TBL1XR1: variants seen among roughly 807,000 people sequenced by gnomAD.
The protein encoded by TBL1XR1 is F-box-like/WD repeat-containing protein TBL1XR1.
In TBL1XR1, 5 loss-of-function variants were observed where a neutral mutation model predicts 66.9. The ratio of observed to expected loss-of-function variants is 0.07; its 90% confidence interval spans 0.04 to 0.16. The LOEUF (loss-of-function observed/expected upper bound fraction) is 0.16, where lower values mean the gene tolerates loss of function less well. Ranked by LOEUF, TBL1XR1 falls within the 10% of genes least tolerant of loss-of-function variation. TBL1XR1 has a pLI of 1.00. For synonymous variants in TBL1XR1, 210 were observed against 206.0 expected, an observed-to-expected ratio of 1.02 and a Z score of -0.17; for missense variants, 238 against 623.2, an observed-to-expected ratio of 0.38 and a Z score of 6.58.
intron 1 of TBL1XR1, among the ~76,000 whole-genome samples, chr3:177,140,325 G>A (rs1729494465): frequency 6.6e-6 from 1 of 152,026 alleles, no homozygotes; most frequent in African/African-American, 2.4e-5. Context: ...TACCTTGAAC[G>A]TATATTCCTA....
chr3:177,160,220 C>A (rs1263284156), intron 1 of TBL1XR1, among the ~76,000 whole-genome samples: 1 of 152,042 alleles, frequency 6.6e-6, no homozygotes, highest in Non-Finnish European at 1.5e-5. Context: ...GTCCTGTAAT[C>A]CCAGCACTTT....
intron 4 of TBL1XR1, 143 bp from the exon 5 acceptor site, chr3:177,051,869 C>A: frequency 1.9e-6 from 2 of 1,056,888 alleles, no homozygotes; most frequent in East Asian, 2.8e-5. Flanking sequence ...ATAAGAAGTC[C>A]GGAGGGAATA....
chr3:177,149,930 CTAATA>C lies in TBL1XR1; in HGVS notation c.-122+47186_-122+47190del, dbSNP rs1246901809. On this transcript the variant is annotated intron_variant, in intron 1 of 15. Transcript: ENST00000457928. ...TGCTGACCTCTGCTCTAAAATTATTCTAATATAACTAAGGAAACGTCAATTTAAAT... is the reference window on the plus strand; with the variant it reads ...TGCTGACCTCTGCTCTAAAATTATTCTAACTAAGGAAACGTCAATTTAAAT... 3.3e-5 allele frequency among the ~76,000 whole-genome samples: 5 copies of C among 152,244 alleles called. No homozygotes were observed. The East Asian group carries it at 5.8e-4, about 18-fold the overall frequency.
At chr3:177,108,153 G>T (rs899130433) in intron 1 of TBL1XR1, among the ~76,000 whole-genome samples, 2 of 152,016 alleles carry the variant, frequency 1.3e-5, no homozygotes, top group Non-Finnish European at 2.9e-5. Flanking sequence ...GTTAAATGAG[G>T]TAAACATTTT....
intron 1 of TBL1XR1, among the ~76,000 whole-genome samples, chr3:177,183,243 A>C (rs1166412694): frequency 6.6e-6 from 1 of 152,230 alleles, no homozygotes; most frequent in African/African-American, 2.4e-5. Flanking sequence ...AATTCACTGA[A>C]TAAAATTAAG....
intron 1 of TBL1XR1, among the ~76,000 whole-genome samples, chr3:177,132,499 C>G (rs1444423138): frequency 6.6e-6 from 1 of 152,264 alleles, no homozygotes; most frequent in East Asian, 1.9e-4. Context: ...TGTGACTTTT[C>G]TTTAGCAATC....
intron 1 of TBL1XR1, among the ~76,000 whole-genome samples, chr3:177,112,107 A>ATATATATATATATATATATATAT: frequency 2.7e-5 from 1 of 37,650 alleles, no homozygotes; most frequent in Non-Finnish European, 4.5e-5. Context: ...ATATATATAT[A>ATATATATATATATATATATATAT]TTTTTTTTTT....
At chr3:177,195,691 CACTT>C (rs1736758665) in intron 1 of TBL1XR1, 1 of 151,478 alleles carries the variant, frequency 6.6e-6, no homozygotes, top group Non-Finnish European at 1.5e-5. Context: ...GGGGGAAGAT[CACTT>C]AATTATATGA....
At chr3:177,152,139 G>A (rs1020370203) in intron 1 of TBL1XR1, among the ~76,000 whole-genome samples, 1 of 152,178 alleles carries the variant, frequency 6.6e-6, no homozygotes, top group African/African-American at 2.4e-5. Context: ...TAGAAGTTTA[G>A]ATTATTCAGC....
At chr3:177,185,387 T>A (rs1372690670) in intron 1 of TBL1XR1, among the ~76,000 whole-genome samples, 2 of 152,000 alleles carry the variant, frequency 1.3e-5, no homozygotes, top group Non-Finnish European at 2.9e-5. Flanking sequence ...GGAGGATGGA[T>A]CACTTGAGGT....
intron 3 of TBL1XR1, among the ~76,000 whole-genome samples, chr3:177,062,656 T>A (rs1344753798): frequency 6.6e-6 from 1 of 152,186 alleles, no homozygotes; most frequent in African/African-American, 2.4e-5. Context: ...ACCACTACAC[T>A]GTAAAGTCTA....
chr3:177,146,436 G>A (rs929652048), intron 1 of TBL1XR1, among the ~76,000 whole-genome samples: 5 of 151,176 alleles, frequency 3.3e-5, no homozygotes, highest in African/African-American at 9.7e-5. Flanking sequence ...ACAGGCATCC[G>A]TCACCATGCC....
chr3:177,161,609 C>A (rs1305500108), intron 1 of TBL1XR1, among the ~76,000 whole-genome samples: 1 of 151,354 alleles, frequency 6.6e-6, no homozygotes, highest in Non-Finnish European at 1.5e-5. Flanking sequence ...TTGGTGAAAC[C>A]CCATCTCTGC....
intron 1 of TBL1XR1, among the ~76,000 whole-genome samples, chr3:177,156,116 TAA>T (rs531101146): frequency 2.0e-5 from 1 of 49,874 alleles, no homozygotes; most frequent in Non-Finnish European, 4.3e-5. Flanking sequence ...CAGAAACCAT[TAA>T]AAAAAAAAAA....
intron 1 of TBL1XR1, chr3:177,171,407 TG>T (rs1733476779): frequency 6.6e-6 from 1 of 152,046 alleles, no homozygotes; most frequent in African/African-American, 2.4e-5. Flanking sequence ...ATTAGAAGTG[TG>T]CTGTTGGCCG....
intron 2 of TBL1XR1, among the ~76,000 whole-genome samples, chr3:177,080,831 C>T (rs114604072): frequency 0.012 from 1,762 of 152,252 alleles, 40 homozygotes; most frequent in African/African-American, 0.04. Flanking sequence ...AACTTAACAA[C>T]TAGCTTTAAG....
Position 177,024,195 on chromosome 3 carries a change from G to A in TBL1XR1, c.*1303C>T, listed in dbSNP as rs897219156. 1.4e-4 allele frequency: 22 copies of A among 152,278 alleles called. No homozygotes were observed. Among genetic ancestry groups the A allele is most frequent in the Non-Finnish European group, 1.0e-4 (7 of 67,944 alleles). 9.4% of individuals were successfully genotyped at this position (152,278 alleles called of 1,614,324 possible). A position where few individuals can be genotyped will look rare whatever the true frequency, so the allele number is the denominator to read the frequency against. ...GCAGAATCAGAGCAGCAGGAAGAAG[G>A]TTAGTGCAATTATACTTTCATTAAA... On this transcript the variant is annotated 3_prime_UTR_variant, in exon 16 of 16. Coordinates refer to ENST00000457928, the MANE Select transcript of TBL1XR1 (RefSeq NM_024665.7).
chr3:177,174,133 G>A (rs1314685034), intron 1 of TBL1XR1, among the ~76,000 whole-genome samples: 1 of 152,070 alleles, frequency 6.6e-6, no homozygotes, highest in Non-Finnish European at 1.5e-5. Context: ...ATGATGACAG[G>A]CCGGGTGCGG....
In TBL1XR1 at chr3:177,113,777, C is replaced by T. The variant is rs903708848; in HGVS notation, c.-121-15236G>A. On this transcript the variant is annotated intron_variant, in intron 1 of 15. Transcript: ENST00000457928. ...GTTTATGAAAGAATGTTCGACATCA[C>T]TAATCATCAGGAAAATCAAAACCAC... Among the ~76,000 whole-genome samples the T allele has an allele frequency of 2.0e-5, 3 of 152,160 alleles. No homozygotes were observed. The South Asian group carries it at 6.2e-4, about 32-fold the overall frequency.
Sources: allele counts gnomAD v4.1 joint callset (sites outside exome capture counted in the v4.1 genomes callset), GRCh38; gene constraint gnomAD v4.1.1; transcripts MANE v1.5; gene names NCBI Gene and HGNC (gene_info 2026-07-23, HGNC 2026-07-21).